INPP5B: variants seen among roughly 807,000 people sequenced by gnomAD.
INPP5B encodes the protein inositol polyphosphate-5-phosphatase B, also known as type II inositol 1,4,5-trisphosphate 5-phosphatase.
A neutral mutation model predicts 118.5 loss-of-function variants in INPP5B; 90 were observed. The observed-to-expected ratio is 0.76, with a 90% CI of 0.64 to 0.90. The LOEUF is 0.90. Ranked by LOEUF, INPP5B falls within the 40% of genes least tolerant of loss-of-function variation. The pLI is 0.00. For synonymous variants in INPP5B, 385 were observed against 418.9 expected, an observed-to-expected ratio of 0.92 and a Z score of 0.99; for missense variants, 984 against 1,125.6, an observed-to-expected ratio of 0.87 and a Z score of 1.80.
rs535046773 is a variant in INPP5B at position 37,931,867 on chromosome 1, C to T, written c.532+46G>A. Reference sequence around the variant, plus strand: ...CAGAACGGAGCCCGCCCCCTGTGGCCGGGCCTCCTCCAATCCCCACCGTTT... The same window carrying T: ...CAGAACGGAGCCCGCCCCCTGTGGCTGGGCCTCCTCCAATCCCCACCGTTT... On this transcript the variant is annotated intron_variant, in intron 7 of 23. Coordinates refer to ENST00000373024, the MANE Select transcript of INPP5B (RefSeq NM_005540.3). The T allele has an allele frequency of 2.8e-5, 45 of 1,613,322 alleles. 1 individual carries two copies. Among genetic ancestry groups the T allele is most frequent in the South Asian group, 2.1e-4 (19 of 91,070 alleles).
In INPP5B at chr1:37,941,476, C is replaced by T. The variant is rs116713366; in HGVS notation, c.281-678G>A. 5.1e-3 allele frequency among the ~76,000 whole-genome samples: 770 copies of T among 151,468 alleles called. 9 individuals carry two copies. The highest frequency in any genetic ancestry group is 0.018 in the African/African-American group (752 of 41,256). On this transcript the variant is annotated intron_variant, in intron 5 of 23. Transcript: ENST00000373024. ...CAGCTTGGAAAACACAATGAGACAC[C>T]ACCCCCCGCCACCCAATCTCTATAA...
In INPP5B at chr1:37,913,636, C is replaced by T. The variant is rs1380428448; in HGVS notation, c.532+18277G>A. Among the ~76,000 whole-genome samples the T allele has an allele frequency of 6.4e-4, 97 of 152,320 alleles. 1 individual carries two copies. Among genetic ancestry groups the T allele is most frequent in the Non-Finnish European group, 7.3e-5 (5 of 68,030 alleles). On this transcript the variant is annotated intron_variant, in intron 7 of 23. Transcript: ENST00000373024. ...TCTTTCTTCAGTTTAATCTCTCCCA[C>T]TGTAGGTTCCCATGCCACCCCTAAT...
intron 6 of INPP5B, among the ~76,000 whole-genome samples, chr1:37,938,639 C>T (rs1645795738): frequency 6.6e-6 from 1 of 152,204 alleles, no homozygotes; most frequent in African/African-American, 2.4e-5. Context: ...TGTATAGCTT[C>T]AAAGCCCAGG....
intron 20 of INPP5B, 41 bp from the exon 21 acceptor site, chr1:37,866,584 G>T: frequency 1.6e-6 from 2 of 1,233,484 alleles, no homozygotes; most frequent in Non-Finnish European, 2.4e-6. Flanking sequence ...TATTTTCTCA[G>T]AAAATCATCA....
chr1:37,919,945 A>C lies in INPP5B; in HGVS notation c.532+11968T>G, dbSNP rs540326691. Among the ~76,000 whole-genome samples, 20 of 152,320 alleles carry C rather than the reference A, an allele frequency of 1.3e-4. No homozygotes were observed. In the East Asian group the frequency reaches 2.9e-3, roughly 22 times the overall value. The stretch of plus-strand genomic sequence containing the variant: ...CAACACAGCAAGACTACATCTTAAA[A>C]AAACAAACAAACAAACAAACAAAAA... On this transcript the variant is annotated intron_variant, in intron 7 of 23. Coordinates refer to ENST00000373024, the MANE Select transcript of INPP5B (RefSeq NM_005540.3).
chr1:37,931,612 G>A (rs996216976), intron 7 of INPP5B: 2 of 1,537,200 alleles, frequency 1.3e-6, no homozygotes, highest in South Asian at 2.4e-5. Flanking sequence ...CCACCCGAGG[G>A]CCGGGCGCAC....
At chr1:37,894,379 G>A (rs144049755) in intron 7 of INPP5B, among the ~76,000 whole-genome samples, 1 of 152,162 alleles carries the variant, frequency 6.6e-6, no homozygotes. Context: ...GTGTACTGTA[G>A]GTGTTTTTTC....
rs1233348190 is a variant in INPP5B at position 37,943,107 on chromosome 1, TCTC to T, written c.280+530_280+532del. Among the ~76,000 whole-genome samples the T allele has an allele frequency of 2.6e-5, 4 of 151,712 alleles. No individual in the cohort carries two copies. In the East Asian group the frequency reaches 7.8e-4, roughly 30 times the overall value. On this transcript the variant is annotated intron_variant, in intron 5 of 23. Coordinates refer to ENST00000373024, the MANE Select transcript of INPP5B (RefSeq NM_005540.3). Reference sequence around the variant, plus strand: ...CCTCCGCCTCCCAGGTTCAAGCAATTCTCCTGCCTCAGCCTCTCGAGTAGCTGG... The same window carrying T: ...CCTCCGCCTCCCAGGTTCAAGCAATTCTGCCTCAGCCTCTCGAGTAGCTGG...
At chr1:37,941,387 C>T (rs959337084) in intron 5 of INPP5B, among the ~76,000 whole-genome samples, 3 of 152,152 alleles carry the variant, frequency 2.0e-5, no homozygotes, top group African/African-American at 7.2e-5. Context: ...GTGACCCATG[C>T]CTGTAATCCC....
chr1:37,924,330 G>A (rs1432077123), intron 7 of INPP5B, among the ~76,000 whole-genome samples: 1 of 151,294 alleles, frequency 6.6e-6, no homozygotes, highest in Non-Finnish European at 1.5e-5. Flanking sequence ...CACCCTGCCG[G>A]GCTAATTTTT....
chr1:37,885,841 C>G lies in INPP5B; in HGVS notation c.1132-16G>C, dbSNP rs1643495407. ...CCTTGTTGCCCTATGGAAAGGATCCCCAAAGAAATCCAATTCAAACTTAAT... is the reference window on the plus strand; with the variant it reads ...CCTTGTTGCCCTATGGAAAGGATCCGCAAAGAAATCCAATTCAAACTTAAT... On this transcript the variant is annotated splice_polypyrimidine_tract_variant and intron_variant, in intron 12 of 23. Transcript: ENST00000373024. 6.2e-7 allele frequency: 1 copy of G among 1,609,502 alleles called. No individual in the cohort carries two copies. The highest frequency in any genetic ancestry group is 2.2e-5 in the East Asian group (1 of 44,806).
At chr1:37,866,614 A>G in intron 20 of INPP5B, 71 bp from the exon 21 acceptor site, 1 of 903,434 alleles carries the variant, frequency 1.1e-6, no homozygotes, top group South Asian at 1.4e-5. Flanking sequence ...TGACCTGGCA[A>G]TATCAATAGC....
chr1:37,871,597 C>A (rs903470513), intron 19 of INPP5B, among the ~76,000 whole-genome samples: 1 of 151,790 alleles, frequency 6.6e-6, no homozygotes, highest in Non-Finnish European at 1.5e-5. Context: ...GTGAAACTCC[C>A]TCTCTATTAA....
Position 37,889,682 on chromosome 1 carries a change from G to A in INPP5B, c.672C>T (p.Ser224=), listed in dbSNP as rs1425074235. The part of the protein sequence containing the change: ...SKSEITDMVR[S]STITVSDKAH... ...CCTTGTCCGACACTGTGATAGTGGA[G>A]GAGCGAACCATGTCAGTAATTTCGG... is the stretch of plus-strand genomic sequence containing the variant. The change falls in exon 9 of 24, where the codon TCC becomes TCT. Residue 224 remains serine (S), a synonymous_variant. Transcript: ENST00000373024. 1.2e-6 allele frequency: 2 copies of A among 1,613,240 alleles called. No homozygotes were observed. The highest frequency in any genetic ancestry group is 1.7e-6 in the Non-Finnish European group (2 of 1,179,652).
chr1:37,887,148 C>T (rs775892218), intron 11 of INPP5B, 144 bp from the exon 12 acceptor site: 58 of 770,632 alleles, frequency 7.5e-5, no homozygotes, highest in Non-Finnish European at 1.5e-5. Context: ...TTCAATTCAC[C>T]AAGCATGCTA....
intron 7 of INPP5B, among the ~76,000 whole-genome samples, chr1:37,904,092 C>T (rs562447252): frequency 1.8e-4 from 28 of 151,920 alleles, no homozygotes; most frequent in African/African-American, 6.0e-4. Flanking sequence ...TTTGGGAGGC[C>T]GAGGCAGACA....
intron 14 of INPP5B, among the ~76,000 whole-genome samples, chr1:37,882,566 T>G (rs1406753038): frequency 6.6e-6 from 1 of 151,966 alleles, no homozygotes; most frequent in African/African-American, 2.4e-5. Flanking sequence ...AATGACAAGG[T>G]GAGAGAGAGA....
chr1:37,938,027 C>T lies in INPP5B; in HGVS notation c.391+2661G>A, dbSNP rs1311379431. On this transcript the variant is annotated intron_variant, in intron 6 of 23. Transcript: ENST00000373024. ...GTGGCTCATGCCTGTAATCCCAGCA[C>T]ATTGGGAGGCCGAGGTGGGTGGATC... 2.7e-5 allele frequency among the ~76,000 whole-genome samples: 4 copies of T among 147,928 alleles called. No homozygotes were observed. The East Asian group carries it at 7.9e-4, about 29-fold the overall frequency.
intron 12 of INPP5B, 136 bp downstream of exon 12, chr1:37,886,752 T>G (rs531835696): frequency 2.0e-5 from 14 of 698,870 alleles, no homozygotes; most frequent in African/African-American, 2.0e-4. Flanking sequence ...GACTGAGCCC[T>G]GCTTGAGGGT....
Sources: gnomAD v4.1 joint callset for allele counts (sites outside exome capture counted in the v4.1 genomes callset) on GRCh38, gnomAD v4.1.1 for gene constraint, MANE v1.5 for transcripts, NCBI Gene and HGNC (gene_info 2026-07-23, HGNC 2026-07-21) for gene names.